DNMT3A: variants seen among roughly 807,000 people sequenced by gnomAD.
The protein encoded by DNMT3A is DNA methyltransferase 3 alpha.
A neutral mutation model predicts 117.6 loss-of-function variants in DNMT3A; 267 were observed. The observed-to-expected ratio is 2.27, with a 90% confidence interval of 2.05 to 2.51. DNMT3A has a LOEUF of 2.51. Among genes scored for constraint, DNMT3A ranks in the 30% most tolerant of loss-of-function variants. DNMT3A has a pLI of 0.00. For missense variants in DNMT3A, 1,029 were observed against 1,260.2 expected (o/e 0.82, Z 2.78); for synonymous variants, 432 against 474.8 (o/e 0.91, Z 1.17).
intron 4 of DNMT3A, among the ~76,000 whole-genome samples, chr2:25,278,116 C>G (rs2031608237): frequency 6.6e-6 from 1 of 152,118 alleles, no homozygotes; most frequent in Non-Finnish European, 1.5e-5. Flanking sequence ...GTCAGCTGCT[C>G]TCTCAGTACG....
intron 16 of DNMT3A, 56 bp downstream of exon 16, chr2:25,243,842 T>G: frequency 6.5e-7 from 1 of 1,541,070 alleles, no homozygotes; most frequent in South Asian, 1.2e-5. Context: ...CCCACACACC[T>G]GGCTCCCCCA....
intron 6 of DNMT3A, among the ~76,000 whole-genome samples, chr2:25,272,466 G>T (rs76033907): frequency 6.6e-6 from 1 of 152,122 alleles, no homozygotes; most frequent in African/African-American, 2.4e-5. Flanking sequence ...AAGTTCTTCC[G>T]GTTCCTAAAA....
intron 12 of DNMT3A, 57 bp from the exon 13 acceptor site, chr2:25,245,389 G>A (rs1674632453): frequency 6.6e-6 from 10 of 1,516,058 alleles, no homozygotes; most frequent in Middle Eastern, 3.4e-4. Context: ...CTCCCTCCCC[G>A]GGCCGGAGCC....
chr2:25,240,244 C>T (rs1236176065), intron 19 of DNMT3A, 58 bp downstream of exon 19: 2 of 1,608,698 alleles, frequency 1.2e-6, no homozygotes, highest in African/African-American at 2.7e-5. Context: ...CAGGATGAAG[C>T]AGCAGTCCAA....
rs1225871454 is a variant in DNMT3A, at chr2:25,282,232, T to A, written c.448+209A>T. The A allele has an allele frequency of 2.4e-6, 3 of 1,258,242 alleles. No individual in the cohort carries two copies. The highest frequency in any genetic ancestry group is 3.0e-6 in the Non-Finnish European group (3 of 1,000,380). The allele number at this position is 1,258,242 out of a possible 1,614,324, so 77.9% of individuals were successfully genotyped here. The stretch of plus-strand genomic sequence containing the variant: ...TGATTTTTAAATACTGGCAACTAAT[T>A]TTTTAAATGTTTAAAACACTCTATG... On this transcript the variant is annotated intron_variant, in intron 4 of 22. Coordinates refer to ENST00000321117, the MANE Select transcript of DNMT3A (RefSeq NM_022552.5). This position sits in a 1 kb window ranked among gnomAD's most constrained non-coding sequence, Gnocchi z 5.2.
intron 6 of DNMT3A, among the ~76,000 whole-genome samples, chr2:25,248,559 T>C (rs542433725): frequency 2.6e-5 from 4 of 151,992 alleles, no homozygotes; most frequent in Non-Finnish European, 5.9e-5. Context: ...TTATTTATTT[T>C]TTTTTTTGGA....
Position 25,248,212 on chromosome 2 carries a change from AC to A in DNMT3A, c.679del (p.Val227TrpfsTer89), listed in dbSNP as rs753489380. 1 of 1,612,970 alleles carries A rather than the reference AC, an allele frequency of 6.2e-7. No homozygotes were observed. The highest frequency in any genetic ancestry group is 1.7e-5 in the Admixed American group (1 of 59,570). ...CTCCCCGGGCCCCTGGTTTTCTTCC[AC>A]AGCATTCATTCCTGCAATGACCTTG... ...KAKVIAGMNA[V>X]EENQGPGESQ... is the part of the protein sequence containing the mutation. On this transcript the variant is annotated frameshift_variant, in exon 7 of 23. Coordinates refer to ENST00000321117, the MANE Select transcript of DNMT3A (RefSeq NM_022552.5). LOFTEE classifies it high-confidence loss of function.
At chr2:25,284,645 T>TAAA (rs56901099) in intron 3 of DNMT3A, among the ~76,000 whole-genome samples, 448 of 16,640 alleles carry the variant, frequency 0.027, 57 homozygotes, top group Middle Eastern at 0.042. Context: ...AGACTCCATC[T>TAAA]AAAAAAAAAA....
chr2:25,241,685 C>A lies in DNMT3A; in HGVS notation c.1959G>T (p.Leu653Phe), dbSNP rs747168987. The A allele has an allele frequency of 1.2e-6, 2 of 1,613,914 alleles. No individual in the cohort carries two copies. The highest frequency in any genetic ancestry group is 1.3e-5 in the African/African-American group (1 of 74,922). The change falls in exon 17 of 23, where the codon TTG becomes TTT. Residue 653 changes from leucine (L) to phenylalanine (F), a missense_variant. Coordinates refer to ENST00000321117, the MANE Select transcript of DNMT3A (RefSeq NM_022552.5). ...CAATGTAGCGGTCCACCTGAATGCC[C>A]AAGTCCTTCAGCACCAGGAGCCCTG... ...IATGLLVLKD[L>F]GIQVDRYIAS...
At chr2:25,308,855 C>T (rs143426691) in intron 2 of DNMT3A, among the ~76,000 whole-genome samples, 84 of 152,222 alleles carry the variant, frequency 5.5e-4, no homozygotes, top group Non-Finnish European at 8.5e-4. Context: ...CTTGTACTTG[C>T]AGACCAGAGT....
chr2:25,255,500 A>G (rs1676030371), intron 6 of DNMT3A, among the ~76,000 whole-genome samples: 1 of 152,228 alleles, frequency 6.6e-6, no homozygotes, highest in South Asian at 2.1e-4. Context: ...GGAAGTATCC[A>G]GTGTGGTCCA....
chr2:25,311,213 C>T lies in DNMT3A; in HGVS notation c.72+2700G>A, dbSNP rs968405404. 1.2e-4 allele frequency among the ~76,000 whole-genome samples: 18 copies of T among 152,234 alleles called. No individual in the cohort carries two copies. Among genetic ancestry groups the T allele is most frequent in the Middle Eastern group, 3.4e-3 (1 of 294 alleles). On this transcript the variant is annotated intron_variant, in intron 2 of 22. Coordinates refer to ENST00000321117, the MANE Select transcript of DNMT3A (RefSeq NM_022552.5). The surrounding 1 kb of genome is among the most constrained non-coding windows in gnomAD (Gnocchi z 5.2). ...GTGGAAGGGCCATTGGTTGGCCACA[C>T]CCCTTCCATCTGGCTTGCCAAACAG...
chr2:25,254,899 T>A lies in DNMT3A; in HGVS notation c.640-6647A>T, dbSNP rs1437159870. ...CAGCAAGGACTCAAGGTGTCAGAACTGGCCAGAACTGTTCACTTTCTCTTG... is the reference window on the plus strand; with the variant it reads ...CAGCAAGGACTCAAGGTGTCAGAACAGGCCAGAACTGTTCACTTTCTCTTG... On this transcript the variant is annotated intron_variant, in intron 6 of 22. Coordinates refer to ENST00000321117, the MANE Select transcript of DNMT3A (RefSeq NM_022552.5). This position sits in a 1 kb window ranked among gnomAD's most constrained non-coding sequence, Gnocchi z 4.7. Among the ~76,000 whole-genome samples the A allele has an allele frequency of 3.3e-5, 5 of 152,248 alleles. No homozygotes were observed. Among genetic ancestry groups the A allele is most frequent in the Non-Finnish European group, 5.9e-5 (4 of 68,048 alleles).
Position 25,237,076 on chromosome 2 carries a change from T to C in DNMT3A, c.2409-71A>G, listed in dbSNP as rs1388405171. ...GCGGGAAGGGCCCCAGCTGCACGAC[T>C]CCCCTCCCTCCCCCAGCAGCCACTA... On this transcript the variant is annotated intron_variant, in intron 20 of 22. Transcript: ENST00000321117. The surrounding 1 kb of genome is among the most constrained non-coding windows in gnomAD (Gnocchi z 5.4). The C allele has an allele frequency of 1.4e-6, 2 of 1,464,098 alleles. No individual in the cohort carries two copies. The highest frequency in any genetic ancestry group is 1.9e-6 in the Non-Finnish European group (2 of 1,063,194). 90.7% of individuals were successfully genotyped at this position (1,464,098 alleles called of 1,614,324 possible).
chr2:25,246,921 C>T (rs1674866938), intron 9 of DNMT3A, 130 bp downstream of exon 9: 8 of 1,475,566 alleles, frequency 5.4e-6, no homozygotes, highest in Non-Finnish European at 5.5e-6. Context: ...TGCATACGGG[C>T]GAGCGAGGTG....
chr2:25,289,158 A>G (rs2032558265), intron 3 of DNMT3A, among the ~76,000 whole-genome samples: 2 of 148,620 alleles, frequency 1.3e-5, no homozygotes, highest in Admixed American at 1.3e-4. Context: ...AGGCGAGTGC[A>G]GTGGCGCGAT....
chr2:25,281,949 G>A lies in DNMT3A; in HGVS notation c.448+492C>T, dbSNP rs914439921. 25 of 1,085,022 alleles carry A rather than the reference G, an allele frequency of 2.3e-5. No homozygotes were observed. The highest frequency in any genetic ancestry group is 4.1e-4 in the Middle Eastern group (1 of 2,428). 67.2% of individuals were successfully genotyped at this position (1,085,022 alleles called of 1,614,324 possible). On this transcript the variant is annotated intron_variant, in intron 4 of 22. Coordinates refer to ENST00000321117, the MANE Select transcript of DNMT3A (RefSeq NM_022552.5). The surrounding 1 kb of genome is among the most constrained non-coding windows in gnomAD (Gnocchi z 4.8). ...CTCTGCACTCAGGGAGGCAAACAGG[G>A]TATCTGCTGCCCTTGAGTGCCCAGG...
At chr2:25,328,508 T>A in intron 1 of DNMT3A, 2 of 395,744 alleles carry the variant, frequency 5.1e-6, no homozygotes. Context: ...CATTGAGTGT[T>A]CCATGCGTAT....
At chr2:25,340,856 C>A (rs1481234144) in intron 1 of DNMT3A, among the ~76,000 whole-genome samples, 1 of 144,946 alleles carries the variant, frequency 6.9e-6, no homozygotes, top group South Asian at 2.1e-4. Flanking sequence ...TTCCGGCCCC[C>A]GCGGCCCGGG....
Sources: gnomAD v4.1 joint callset for allele counts (sites outside exome capture counted in the v4.1 genomes callset) on GRCh38, gnomAD v4.1.1 for gene constraint, Gnocchi (gnomAD v3.1) non-coding constraint, MANE v1.5 for transcripts, NCBI Gene and HGNC (gene_info 2026-07-23, HGNC 2026-07-21) for gene names.